Variants in COL27A1 observed in about 807,000 individuals in gnomAD.
COL27A1 encodes collagen alpha-1(XXVII) chain.
Under a neutral mutation model 251.3 loss-of-function variants are expected in COL27A1, and 106 were observed. That is an observed-to-expected ratio of 0.42 (90% CI 0.36 to 0.50). The LOEUF is 0.50. Among genes scored for constraint, COL27A1 ranks in the 20% least tolerant of loss-of-function variants. The pLI is 0.00. For missense variants in COL27A1, 2,325 were observed against 2,522.8 expected (o/e 0.92, Z 1.68); for synonymous variants, 1,000 against 986.3 (o/e 1.01, Z -0.26).
chr9:114,222,366 GA>G, intron 14 of COL27A1, 99 bp downstream of exon 14: 1 of 1,052,922 alleles, frequency 9.5e-7, no homozygotes. Context: ...AGGGGAGGTT[GA>G]AAAGACCCTT....
chr9:114,269,632 A>AG (rs1834990943), intron 35 of COL27A1, among the ~76,000 whole-genome samples: 2 of 144,796 alleles, frequency 1.4e-5, no homozygotes, highest in Non-Finnish European at 3.0e-5. Flanking sequence ...AAAAAAAAAA[A>AG]AAAAGAAGAA....
Position 114,309,256 on chromosome 9 carries a change from A to G in COL27A1, c.5218-4A>G, listed in dbSNP as rs576235817. 3.3e-5 allele frequency: 53 copies of G among 1,613,772 alleles called. 1 individual carries two copies. In the South Asian group the frequency reaches 4.7e-4, roughly 14 times the overall value. ...AGCCGCTCACTGCCGTTGCTTCTCT[A>G]TAGGTCGAGTTTGCCATCAGCCGGG... is the stretch of plus-strand genomic sequence containing the variant. On this transcript the variant is annotated splice_region_variant and splice_polypyrimidine_tract_variant and intron_variant, in intron 59 of 60. Coordinates refer to ENST00000356083, the MANE Select transcript of COL27A1 (RefSeq NM_032888.4).
chr9:114,222,487 C>A (rs987234985), intron 14 of COL27A1, among the ~76,000 whole-genome samples: 2 of 152,068 alleles, frequency 1.3e-5, no homozygotes, highest in African/African-American at 4.8e-5. Flanking sequence ...GGGAGGAGAG[C>A]CCTGCTGTGT....
intron 7 of COL27A1, among the ~76,000 whole-genome samples, chr9:114,201,982 C>A (rs1208095166): frequency 2.0e-5 from 3 of 152,168 alleles, no homozygotes; most frequent in Non-Finnish European, 4.4e-5. Flanking sequence ...TCTCTTTACC[C>A]CTCTGAACAT....
chr9:114,168,608 G>A lies in COL27A1; in HGVS notation c.1053G>A (p.Ala351=), dbSNP rs1421440467. ...GCTCTACCAGAACGCCTCGCCCTGC[G>A]GCCGCTCAACCATCACAGAAGATCA... ...VGGSTRTPRP[A]AAQPSQKITA... is the part of the protein sequence containing the mutation. Residue 351 remains alanine, a synonymous_variant, in exon 3 of 61, where the codon GCG becomes GCA. Transcript: ENST00000356083. The A allele has an allele frequency of 6.8e-6, 11 of 1,613,972 alleles. No homozygotes were observed. Among genetic ancestry groups the A allele is most frequent in the African/African-American group, 4.0e-5 (3 of 74,894 alleles).
chr9:114,171,142 T>C (rs1470932204), intron 3 of COL27A1, among the ~76,000 whole-genome samples: 1 of 152,064 alleles, frequency 6.6e-6, no homozygotes, highest in East Asian at 1.9e-4. Flanking sequence ...TCCTTCCAAA[T>C]CTCTTTGAAA....
chr9:114,167,817 A>G lies in COL27A1; in HGVS notation c.262A>G (p.Thr88Ala), dbSNP rs1372828664. 1.2e-6 allele frequency: 2 copies of G among 1,613,410 alleles called. No homozygotes were observed. Among genetic ancestry groups the G allele is most frequent in the Admixed American group, 1.7e-5 (1 of 60,020 alleles). Reference protein sequence around the residue: ...QRARLQAPTGTVIPAALGTEL... With the variant: ...QRARLQAPTGAVIPAALGTEL... ...GGCCCGGCTCCAGGCTCCCACGGGC[A>G]CCGTCATTCCTGCCGCCTTGGGCAC... Residue 88 changes from threonine to alanine, a missense_variant, in exon 3 of 61, where the codon ACC becomes GCC. Around this residue, in one of 4 missense-constraint regions of COL27A1, gnomAD observed 1,183 missense variants for 1,144.1 expected, o/e 1.03. Transcript: ENST00000356083.
At chr9:114,292,308 CACAA>C (rs1224198967) in intron 49 of COL27A1, 98 bp downstream of exon 49, 2 of 953,472 alleles carry the variant, frequency 2.1e-6, no homozygotes, top group Non-Finnish European at 3.2e-6. Context: ...CATACACACA[CACAA>C]ACACACTGAC....
rs2135475676 is a variant in COL27A1, at chr9:114,240,497, T to G, written c.2835+10T>G. 2 of 1,606,920 alleles carry G rather than the reference T, an allele frequency of 1.2e-6. No homozygotes were observed. Among genetic ancestry groups the G allele is most frequent in the Non-Finnish European group, 1.7e-6 (2 of 1,179,186 alleles). On this transcript the variant is annotated intron_variant, in intron 21 of 60. Transcript: ENST00000356083. The stretch of plus-strand genomic sequence containing the variant: ...GCAGCTGGGGCCCGAGGTGAGACTG[T>G]CTGGCCCCCTCCACTGCCCATCCTG...
At chr9:114,201,109 C>G (rs1829543703) in intron 7 of COL27A1, among the ~76,000 whole-genome samples, 1 of 152,204 alleles carries the variant, frequency 6.6e-6, no homozygotes, top group South Asian at 2.1e-4. Context: ...ATTCATCTGG[C>G]TCCCAAACCA....
At chr9:114,299,242 T>G (rs1828451539) in intron 49 of COL27A1, among the ~76,000 whole-genome samples, 1 of 152,056 alleles carries the variant, frequency 6.6e-6, no homozygotes, top group African/African-American at 2.4e-5. Flanking sequence ...ATGAGGAAAC[T>G]GAGGCTCAGT....
chr9:114,195,986 G>A lies in COL27A1; in HGVS notation c.2098G>A (p.Gly700Arg), dbSNP rs201221528. ...KGDMGLPGLS[G>R]NPGPPGRKGH... is the part of the protein sequence containing the mutation. ...TGACATGGGCTTGCCTGGGCTCTCC[G>A]GGAATCCAGGACCTCCGGGACGAAA... Residue 700 changes from glycine to arginine, a missense_variant, in exon 7 of 61, where the codon GGG (glycine) becomes AGG (arginine). Gly to Arg is a moderately radical substitution (Grantham distance 125). This residue lies in a region of COL27A1 where 1,183 missense variants were observed against 1,144.1 expected (regional missense o/e 1.03). Coordinates refer to ENST00000356083, the MANE Select transcript of COL27A1 (RefSeq NM_032888.4). 7.6e-4 allele frequency: 1,224 copies of A among 1,613,948 alleles called. No homozygotes were observed. Among genetic ancestry groups the A allele is most frequent in the Non-Finnish European group, 9.8e-4 (1,162 of 1,179,950 alleles).
At chr9:114,292,401 G>C (rs545546634) in intron 49 of COL27A1, among the ~76,000 whole-genome samples, 191 bp downstream of exon 49, 3 of 152,158 alleles carry the variant, frequency 2.0e-5, no homozygotes, top group South Asian at 4.1e-4. Flanking sequence ...TCAACCAGGT[G>C]GTGGGGGAGG....
chr9:114,275,278 A>G (rs1835421722), intron 36 of COL27A1, among the ~76,000 whole-genome samples: 1 of 151,912 alleles, frequency 6.6e-6, no homozygotes. Flanking sequence ...AAAAAAAAAA[A>G]ATCTGCTTCA....
chr9:114,213,283 CT>C (rs1830485105), intron 12 of COL27A1, among the ~76,000 whole-genome samples: 1 of 152,156 alleles, frequency 6.6e-6, no homozygotes, highest in Non-Finnish European at 1.5e-5. Context: ...CAGTTTCCCC[CT>C]TCTACTCCAT....
chr9:114,220,317 T>C (rs1314253488), intron 13 of COL27A1, among the ~76,000 whole-genome samples: 1 of 152,232 alleles, frequency 6.6e-6, no homozygotes, highest in African/African-American at 2.4e-5. Context: ...GCCCAGGCTC[T>C]GTTCCCCGAG....
At chr9:114,161,727 TG>T (rs1848505723) in intron 1 of COL27A1, among the ~76,000 whole-genome samples, 2 of 152,234 alleles carry the variant, frequency 1.3e-5, no homozygotes, top group Non-Finnish European at 1.5e-5. Flanking sequence ...TCTGCCTGCC[TG>T]GGGATCAGAT....
At chr9:114,213,776 G>C (rs960690936) in intron 12 of COL27A1, among the ~76,000 whole-genome samples, 1 of 152,206 alleles carries the variant, frequency 6.6e-6, no homozygotes, top group Non-Finnish European at 1.5e-5. Context: ...AGAAAACTGA[G>C]GCTTAGACTG....
At chr9:114,156,215 C>A (rs1382192864) in intron 1 of COL27A1, among the ~76,000 whole-genome samples, 4 of 151,348 alleles carry the variant, frequency 2.6e-5, no homozygotes, top group Non-Finnish European at 4.4e-5. Context: ...GCCCGCCCTG[C>A]CGCGCCTGGC....
Sources: gnomAD v4.1 joint callset for allele counts (sites outside exome capture counted in the v4.1 genomes callset) on GRCh38, gnomAD v4.1.1 for gene constraint, gnomAD v4.1.1 regional missense constraint, MANE v1.5 for transcripts, NCBI Gene and HGNC (gene_info 2026-07-23, HGNC 2026-07-21) for gene names.